Variants in UPF2 observed in about 807,000 individuals in gnomAD.
UPF2 encodes regulator of nonsense transcripts 2.
Under a neutral mutation model 141.4 loss-of-function variants are expected in UPF2, and 17 were observed. That is an observed-to-expected ratio of 0.12 (90% confidence interval 0.08 to 0.18). The LOEUF is 0.18. UPF2 is among the 10% of genes least tolerant of loss of function. The pLI is 1.00. For missense variants in UPF2, 1,152 were observed against 1,515.9 expected (o/e 0.76, Z 3.99); for synonymous variants, 540 against 498.0 (o/e 1.08, Z -1.12).
intron 1 of UPF2, among the ~76,000 whole-genome samples, chr10:12,041,721 TAAAG>T (rs1834737281): frequency 6.6e-6 from 1 of 152,216 alleles, no homozygotes; most frequent in Non-Finnish European, 1.5e-5. Flanking sequence ...CTTTATTTTT[TAAAG>T]AACATCCTTA....
intron 8 of UPF2, among the ~76,000 whole-genome samples, chr10:11,987,006 A>G (rs907687933): frequency 2.0e-5 from 3 of 152,254 alleles, no homozygotes; most frequent in African/African-American, 7.2e-5. Flanking sequence ...CTTGGCTAAA[A>G]CAATACCAAG....
At chr10:12,030,061 A>G (rs1834491510) in intron 2 of UPF2, among the ~76,000 whole-genome samples, 1 of 152,186 alleles carries the variant, frequency 6.6e-6, no homozygotes, top group African/African-American at 2.4e-5. Flanking sequence ...GTCGATAACA[A>G]ATGTCATAGA....
At chr10:11,938,844 T>TTTTTTTTTG (rs1564337737) in intron 18 of UPF2, among the ~76,000 whole-genome samples, 8 of 116,582 alleles carry the variant, frequency 6.9e-5, no homozygotes, top group South Asian at 3.0e-4. Context: ...TTAAGCAAGT[T>TTTTTTTTTG]TTTTTTTTGT....
Position 12,014,218 on chromosome 10 carries a change from C to A in UPF2, c.1146-34G>T. 1.5e-6 allele frequency: 2 copies of A among 1,358,838 alleles called. No individual in the cohort carries two copies. Among genetic ancestry groups the A allele is most frequent in the South Asian group, 4.4e-5 (2 of 45,170 alleles). 84.2% of individuals were successfully genotyped at this position (1,358,838 alleles called of 1,614,324 possible). ...AAATGAAATCATCTGACAGTCTTAT[C>A]AAAATAGATGTGATCACAAATTGTT... On this transcript the variant is annotated intron_variant, in intron 3 of 21. Coordinates refer to ENST00000357604, the MANE Select transcript of UPF2 (RefSeq NM_015542.4). This position sits in a 1 kb window ranked among gnomAD's most constrained non-coding sequence, Gnocchi z 5.0.
chr10:12,004,818 T>C, intron 4 of UPF2, 91 bp from the exon 5 acceptor site: 2 of 1,283,518 alleles, frequency 1.6e-6, no homozygotes, highest in East Asian at 2.4e-5. Context: ...TTTACATCTA[T>C]TGAATCTTGA....
chr10:11,943,303 C>T, intron 16 of UPF2, 135 bp from the exon 17 acceptor site: 1 of 762,310 alleles, frequency 1.3e-6, no homozygotes, highest in South Asian at 1.9e-5. Context: ...TAGTTGGTTT[C>T]CAATGGGAGG....
At chr10:12,002,248 G>A (rs1327908262) in intron 5 of UPF2, among the ~76,000 whole-genome samples, 1 of 152,130 alleles carries the variant, frequency 6.6e-6, no homozygotes, top group African/African-American at 2.4e-5. Flanking sequence ...TTGAGCCTGA[G>A]CAAAAAGGGC....
intron 11 of UPF2, among the ~76,000 whole-genome samples, chr10:11,963,772 T>C (rs1213890062): frequency 6.6e-6 from 1 of 152,212 alleles, no homozygotes; most frequent in African/African-American, 2.4e-5. Flanking sequence ...TTAAAAGTGT[T>C]ACAGGTTGAA....
chr10:12,001,212 G>C (rs1189583695), intron 6 of UPF2, among the ~76,000 whole-genome samples: 1 of 152,092 alleles, frequency 6.6e-6, no homozygotes, highest in Non-Finnish European at 1.5e-5. Context: ...TCAGGAGTTC[G>C]AGACAAGCCT....
chr10:11,979,118 G>A lies in UPF2; in HGVS notation c.1892C>T (p.Pro631Leu), dbSNP rs1323883775. The A allele has an allele frequency of 6.2e-7, 1 of 1,613,212 alleles. No homozygotes were observed. Reference protein sequence around the residue: ...FYARLVATLHPCMSDVAEDLC... With the variant: ...FYARLVATLHLCMSDVAEDLC... Reference sequence around the variant, plus strand: ...ATCCTCTGCTACATCAGACATGCAGGGATGCAATGTAGCAACCAATCTTGC... The same window carrying A: ...ATCCTCTGCTACATCAGACATGCAGAGATGCAATGTAGCAACCAATCTTGC... Residue 631 changes from proline to leucine, a missense_variant, in exon 9 of 22, where the codon CCC (proline) becomes CTC (leucine). Pro to Leu is a moderately conservative substitution (Grantham distance 98, BLOSUM62 -3). This residue lies in a region of UPF2 where 739 missense variants were observed against 1,032.2 expected (regional missense o/e 0.72). Coordinates refer to ENST00000357604, the MANE Select transcript of UPF2 (RefSeq NM_015542.4). This position sits in a 1 kb window ranked among gnomAD's most constrained non-coding sequence, Gnocchi z 6.2.
chr10:11,971,166 T>C (rs1833411050), intron 9 of UPF2, among the ~76,000 whole-genome samples: 1 of 152,150 alleles, frequency 6.6e-6, no homozygotes, highest in African/African-American at 2.4e-5. Context: ...CATTTTCAGA[T>C]GAGAAAACTG....
In UPF2 at chr10:11,950,416, A is replaced by G. The variant is rs1183160871; in HGVS notation, c.3034+1650T>C. Reference sequence around the variant, plus strand: ...CGTCTTCTTCCTCAACCAGGAAGCAAATGGAGACTTGGGAGTGCACTGATT... The same window carrying G: ...CGTCTTCTTCCTCAACCAGGAAGCAGATGGAGACTTGGGAGTGCACTGATT... On this transcript the variant is annotated intron_variant, in intron 15 of 21. Coordinates refer to ENST00000357604, the MANE Select transcript of UPF2 (RefSeq NM_015542.4). Among the ~76,000 whole-genome samples the G allele has an allele frequency of 3.9e-5, 6 of 152,132 alleles. No homozygotes were observed. The East Asian group carries it at 1.2e-3, about 29-fold the overall frequency.
In UPF2 at chr10:12,029,509, G is replaced by A. The variant is rs1363589509; in HGVS notation, c.381C>T (p.Ser127=). ...CCCAAGCTTCCTGATGAAGCTGAAT[G>A]GATTCTTCTTTTTCTCTATATAAAA... The part of the protein sequence containing the change: ...AAAQMKEKEE[S]IQLHQEAWER... Residue 127 remains serine (S), a synonymous_variant, in exon 3 of 22, where the codon TCC becomes TCT. Coordinates refer to ENST00000357604, the MANE Select transcript of UPF2 (RefSeq NM_015542.4). The A allele has an allele frequency of 6.3e-7, 1 of 1,582,722 alleles. No homozygotes were observed. Among genetic ancestry groups the A allele is most frequent in the Non-Finnish European group, 8.5e-7 (1 of 1,171,040 alleles).
At position 11,942,677 on chromosome 10, in the gene UPF2, T is replaced by C. The variant is rs1832950963; in HGVS notation, c.3366A>G (p.Leu1122=). ...DFIQALDKMM[L]ENLQQRSGES... Reference sequence around the variant, plus strand: ...TGACATTTAATACCTGTAGATTTTCTAGCATCATTTTATCCAGAGCTTGAA... The same window carrying C: ...TGACATTTAATACCTGTAGATTTTCCAGCATCATTTTATCCAGAGCTTGAA... The change falls in exon 18 of 22, where the codon CTA becomes CTG. Residue 1122 remains leucine, a synonymous_variant. Coordinates refer to ENST00000357604, the MANE Select transcript of UPF2 (RefSeq NM_015542.4). The C allele has an allele frequency of 1.9e-6, 3 of 1,613,790 alleles. No homozygotes were observed. The highest frequency in any genetic ancestry group is 2.5e-6 in the Non-Finnish European group (3 of 1,179,768).
intron 3 of UPF2, among the ~76,000 whole-genome samples, chr10:12,015,293 C>A (rs562249658): frequency 6.6e-6 from 1 of 152,158 alleles, no homozygotes; most frequent in Non-Finnish European, 1.5e-5. Context: ...CTAAAAGTTA[C>A]AGAGAAAAAG....
At chr10:11,989,561 T>C (rs962568095) in intron 8 of UPF2, among the ~76,000 whole-genome samples, 2 of 152,250 alleles carry the variant, frequency 1.3e-5, no homozygotes, top group African/African-American at 4.8e-5. Flanking sequence ...ATTTCTTTTA[T>C]TGTTTTCAAC....
chr10:11,948,541 A>G, intron 15 of UPF2, 33 bp from the exon 16 acceptor site: 2 of 1,604,770 alleles, frequency 1.2e-6, no homozygotes, highest in African/African-American at 1.3e-5. Context: ...GGAAAAATAC[A>G]TTAAAAATAG....
At chr10:12,002,009 C>T (rs1385797790) in intron 5 of UPF2, among the ~76,000 whole-genome samples, 184 bp from the exon 6 acceptor site, 1 of 151,974 alleles carries the variant, frequency 6.6e-6, no homozygotes, top group East Asian at 1.9e-4. Context: ...GATGGCTCAC[C>T]CCTGTAATCC....
intron 5 of UPF2, among the ~76,000 whole-genome samples, chr10:12,002,790 G>A (rs1833973970): frequency 6.6e-6 from 1 of 152,188 alleles, no homozygotes; most frequent in African/African-American, 2.4e-5. Flanking sequence ...CTGAAGTTGA[G>A]TGATAGGTAA....
Sources: allele counts gnomAD v4.1 joint callset (sites outside exome capture counted in the v4.1 genomes callset), GRCh38; gene constraint gnomAD v4.1.1; regional missense constraint gnomAD v4.1.1; non-coding constraint Gnocchi (gnomAD v3.1); transcripts MANE v1.5; gene names NCBI Gene and HGNC (gene_info 2026-07-23, HGNC 2026-07-21).